PAPPA: variants seen among roughly 807,000 people sequenced by gnomAD.
The protein encoded by PAPPA is pappalysin 1.
Under a neutral mutation model 164.0 loss-of-function variants are expected in PAPPA, and 60 were observed. The observed-to-expected ratio is 0.37, with a 90% CI of 0.30 to 0.45. PAPPA has a LOEUF of 0.45. Ranked by LOEUF, PAPPA falls within the 20% of genes least tolerant of loss-of-function variation. The pLI, the probability that PAPPA is intolerant of heterozygous loss-of-function variation, is 1.00. For synonymous variants in PAPPA, 875 were observed against 814.1 expected (o/e 1.07, Z -1.27); for missense variants, 1,782 against 2,087.3 (o/e 0.85, Z 2.85).
At chr9:116,289,758 A>T (rs1284845958) in intron 9 of PAPPA, among the ~76,000 whole-genome samples, 1 of 152,222 alleles carries the variant, frequency 6.6e-6, no homozygotes, top group Non-Finnish European at 1.5e-5. Context: ...AACAATGCAC[A>T]CAACAGCCTA....
intron 20 of PAPPA, among the ~76,000 whole-genome samples, chr9:116,380,846 C>CAGAG (rs934144829): frequency 8.8e-4 from 134 of 152,322 alleles, no homozygotes; most frequent in African/African-American, 3.2e-3. Context: ...GAATTTGGAA[C>CAGAG]AGAGAGGCAA....
At chr9:116,188,915 T>C (rs973904024) in intron 2 of PAPPA, among the ~76,000 whole-genome samples, 1 of 152,216 alleles carries the variant, frequency 6.6e-6, no homozygotes, top group African/African-American at 2.4e-5. Flanking sequence ...AGAAGACATA[T>C]AAAGTACACT....
rs181864191 is a variant in PAPPA, at chr9:116,236,303, C to T, written c.2732+666C>T. ...GTACTTGTCTTTCATACTCACTTCC[C>T]GGCCAGGGAGGTGGCTCACTCCTGT... On this transcript the variant is annotated intron_variant, in intron 7 of 21. Coordinates refer to ENST00000328252, the MANE Select transcript of PAPPA (RefSeq NM_002581.5). Among the ~76,000 whole-genome samples, 491 of 151,880 alleles carry T rather than the reference C, an allele frequency of 3.2e-3. 6 individuals carry two copies. In the South Asian group the frequency reaches 0.033, roughly 10 times the overall value.
At chr9:116,326,977 C>A (rs1041079768) in intron 10 of PAPPA, among the ~76,000 whole-genome samples, 1 of 152,146 alleles carries the variant, frequency 6.6e-6, no homozygotes, top group Non-Finnish European at 1.5e-5. Flanking sequence ...TTTATCCATT[C>A]TTCTGTTGAT....
rs1438892938 is a variant in PAPPA, at chr9:116,347,295, A to G, written c.3964+86A>G. 8.3e-7 allele frequency: 1 copy of G among 1,204,402 alleles called. No homozygotes were observed. The highest frequency in any genetic ancestry group is 1.2e-6 in the Non-Finnish European group (1 of 856,006). 74.6% of individuals were successfully genotyped at this position (1,204,402 alleles called of 1,614,324 possible). ...ATCCAGGCCCTCTTTCTGGGTCTCAAACACCAAGGGTGGGATGGGTTTTAT... is the reference window on the plus strand; with the variant it reads ...ATCCAGGCCCTCTTTCTGGGTCTCAGACACCAAGGGTGGGATGGGTTTTAT... On this transcript the variant is annotated intron_variant, in intron 15 of 21. Transcript: ENST00000328252. This position sits in a 1 kb window ranked among gnomAD's most constrained non-coding sequence, Gnocchi z 4.5.
At chr9:116,262,729 G>A (rs1175048616) in intron 7 of PAPPA, among the ~76,000 whole-genome samples, 1 of 152,194 alleles carries the variant, frequency 6.6e-6, no homozygotes, top group Non-Finnish European at 1.5e-5. Flanking sequence ...AGGAGGCACA[G>A]GAGGGGAAGG....
At chr9:116,165,496 T>A (rs535786447) in intron 1 of PAPPA, among the ~76,000 whole-genome samples, 2 of 152,326 alleles carry the variant, frequency 1.3e-5, no homozygotes, top group South Asian at 4.1e-4. Context: ...CTCTCTTCTC[T>A]GTACCTTAAA....
intron 9 of PAPPA, among the ~76,000 whole-genome samples, chr9:116,298,878 T>G (rs1845543822): frequency 6.6e-6 from 1 of 152,214 alleles, no homozygotes; most frequent in Admixed American, 6.5e-5. Context: ...CTTCAGACTC[T>G]TTTCACTACA....
chr9:116,358,666 A>G (rs545429230), intron 17 of PAPPA, among the ~76,000 whole-genome samples: 1 of 152,006 alleles, frequency 6.6e-6, no homozygotes, highest in Non-Finnish European at 1.5e-5. Context: ...TTCCGCTATT[A>G]TTTTGTTTAT....
chr9:116,206,847 C>T (rs549967346), intron 2 of PAPPA, among the ~76,000 whole-genome samples: 2 of 152,204 alleles, frequency 1.3e-5, no homozygotes, highest in South Asian at 4.2e-4. Context: ...ATCAGAGTCC[C>T]AGCAGAGGAA....
intron 7 of PAPPA, among the ~76,000 whole-genome samples, chr9:116,251,775 A>G (rs989318575): frequency 3.9e-5 from 6 of 152,194 alleles, no homozygotes; most frequent in African/African-American, 1.2e-4. Flanking sequence ...ATTCAGGAAA[A>G]AAACAAGAGT....
At position 116,370,952 on chromosome 9, in the gene PAPPA, T is replaced by C. The variant is rs73656817; in HGVS notation, c.4605+3198T>C. ...ACCCAGGTTCTAGTGTAAGCTCTGG[T>C]GCCTTCCTGCTGTATGTCCTGGAGC... On this transcript the variant is annotated intron_variant, in intron 19 of 21. Coordinates refer to ENST00000328252, the MANE Select transcript of PAPPA (RefSeq NM_002581.5). Among the ~76,000 whole-genome samples, 750 of 152,302 alleles carry C rather than the reference T, an allele frequency of 4.9e-3. 8 individuals carry two copies. Among genetic ancestry groups the C allele is most frequent in the African/African-American group, 0.017 (721 of 41,562 alleles).
At chr9:116,166,198 G>T (rs1398308192) in intron 1 of PAPPA, among the ~76,000 whole-genome samples, 8 of 152,142 alleles carry the variant, frequency 5.3e-5, no homozygotes. Context: ...AGTCAGAAGG[G>T]AAAAGAAATC....
In PAPPA at chr9:116,154,168, C is replaced by T; in HGVS notation, c.-5C>T. 6.8e-7 allele frequency: 1 copy of T among 1,479,402 alleles called. No homozygotes were observed. The highest frequency in any genetic ancestry group is 9.0e-7 in the Non-Finnish European group (1 of 1,114,198). The allele number at this position is 1,479,402 out of a possible 1,614,324, so 91.6% of individuals were successfully genotyped here. ...GCGAAGGGGGGGCGGGGGGAACCGT[C>T]GGACATGCGGCTCTGGAGTTGGGTG... On this transcript the variant is annotated 5_prime_UTR_variant, in exon 1 of 22. Transcript: ENST00000328252. This position sits in a 1 kb window ranked among gnomAD's most constrained non-coding sequence, Gnocchi z 5.2.
intron 2 of PAPPA, among the ~76,000 whole-genome samples, chr9:116,199,120 C>T (rs1256570045): frequency 6.6e-6 from 1 of 152,172 alleles, no homozygotes; most frequent in African/African-American, 2.4e-5. Flanking sequence ...GCACACTCTG[C>T]TTCTCTGAAC....
intron 6 of PAPPA, among the ~76,000 whole-genome samples, chr9:116,229,669 G>A (rs1844560531): frequency 6.6e-6 from 1 of 152,162 alleles, no homozygotes; most frequent in Non-Finnish European, 1.5e-5. Flanking sequence ...TGCTTTATGA[G>A]GGCATGATAT....
At chr9:116,314,980 C>T (rs903759373) in intron 10 of PAPPA, among the ~76,000 whole-genome samples, 5 of 152,196 alleles carry the variant, frequency 3.3e-5, no homozygotes, top group African/African-American at 1.2e-4. Context: ...TCATCTTATG[C>T]CTTTAGGTAT....
intron 9 of PAPPA, among the ~76,000 whole-genome samples, chr9:116,273,148 G>A (rs930344132): frequency 2.0e-5 from 3 of 152,192 alleles, no homozygotes; most frequent in Non-Finnish European, 4.4e-5. Flanking sequence ...AAAGAAAGTA[G>A]GATGGGGTGA....
In PAPPA at chr9:116,270,412, G is replaced by T. The variant is rs146714467; in HGVS notation, c.2862-913G>T. On this transcript the variant is annotated intron_variant, in intron 8 of 21. Transcript: ENST00000328252. ...AATGTGGCTACTATGACTGAGGATT[G>T]GAATTTTAATTATAATTCATTTCAA... Among the ~76,000 whole-genome samples, 23 of 152,248 alleles carry T rather than the reference G, an allele frequency of 1.5e-4. No homozygotes were observed. The East Asian group carries it at 4.2e-3, about 28-fold the overall frequency.
Sources: allele counts gnomAD v4.1 joint callset (sites outside exome capture counted in the v4.1 genomes callset), GRCh38; gene constraint gnomAD v4.1.1; non-coding constraint Gnocchi (gnomAD v3.1); transcripts MANE v1.5; gene names NCBI Gene and HGNC (gene_info 2026-07-23, HGNC 2026-07-21).